TENM4: variants seen among roughly 807,000 people sequenced by gnomAD.
TENM4 encodes teneurin-4.
In TENM4, 82 loss-of-function variants were observed where a neutral mutation model predicts 243.3. The observed-to-expected ratio is 0.34, with a 90% confidence interval of 0.28 to 0.40. The LOEUF is 0.40. Ranked by LOEUF, TENM4 falls within the 10% of genes least tolerant of loss-of-function variation. The pLI, the probability that TENM4 is intolerant of heterozygous loss-of-function variation, is 1.00. For synonymous variants in TENM4, 1,412 were observed against 1,456.3 expected (o/e 0.97, Z 0.69); for missense variants, 3,138 against 3,673.3 (o/e 0.85, Z 3.77).
chr11:78,905,760 G>A (rs1321698187), intron 6 of TENM4, among the ~76,000 whole-genome samples: 2 of 152,246 alleles, frequency 1.3e-5, no homozygotes, highest in African/African-American at 4.8e-5. Context: ...TCCTTGCTGG[G>A]AAGGGAGAGA....
chr11:79,392,096 G>C (rs1858246518), intron 1 of TENM4, among the ~76,000 whole-genome samples: 1 of 152,202 alleles, frequency 6.6e-6, no homozygotes, highest in Non-Finnish European at 1.5e-5. Flanking sequence ...GAAAAATCCA[G>C]TTCTGAGGTC....
In TENM4 at chr11:78,683,371, C is replaced by G. The variant is rs11824996; in HGVS notation, c.5260+4683G>C. On this transcript the variant is annotated intron_variant, in intron 29 of 33. Transcript: ENST00000278550. ...CCTGGGCTATGGCGGGCGCCCCTCC[C>G]CCAGCCTCGTTGCCGCCTTGCAGTT... Among the ~76,000 whole-genome samples, 2 of 73,100 alleles carry G rather than the reference C, an allele frequency of 2.7e-5. 1 individual carries two copies. 48.0% of individuals were successfully genotyped at this position (73,100 alleles called of 152,430 possible). A position where few individuals can be genotyped will look rare whatever the true frequency, so the allele number is the denominator to read the frequency against.
intron 4 of TENM4, among the ~76,000 whole-genome samples, chr11:79,148,353 G>A (rs1052480365): frequency 6.6e-6 from 1 of 152,104 alleles, no homozygotes; most frequent in Non-Finnish European, 1.5e-5. Context: ...AATCCTAAGT[G>A]TGGGGAGATA....
At chr11:78,771,886 C>A (rs1416751134) in intron 17 of TENM4, among the ~76,000 whole-genome samples, 1 of 152,206 alleles carries the variant, frequency 6.6e-6, no homozygotes, top group African/African-American at 2.4e-5. Flanking sequence ...ATATGCACAT[C>A]TGCCTGCCTG....
intron 4 of TENM4, among the ~76,000 whole-genome samples, chr11:79,104,223 C>A (rs1476185841): frequency 1.3e-5 from 2 of 152,170 alleles, no homozygotes; most frequent in Non-Finnish European, 2.9e-5. Context: ...CCTTGTCTTT[C>A]CCCAGCAAGA....
intron 30 of TENM4, among the ~76,000 whole-genome samples, 165 bp downstream of exon 30, chr11:78,675,985 TAA>T (rs903646876): frequency 3.3e-5 from 5 of 152,136 alleles, no homozygotes; most frequent in Non-Finnish European, 7.3e-5. Flanking sequence ...AAGTAAAAAC[TAA>T]AAAGACACAC....
At chr11:78,944,247 C>T (rs753204819) in intron 6 of TENM4, among the ~76,000 whole-genome samples, 9 of 151,778 alleles carry the variant, frequency 5.9e-5, no homozygotes, top group Non-Finnish European at 1.2e-4. Context: ...GTTTGGGGTT[C>T]GTAGTCCTGA....
At chr11:79,437,133 C>T (rs142631800) in intron 1 of TENM4, among the ~76,000 whole-genome samples, 1 of 152,232 alleles carries the variant, frequency 6.6e-6, no homozygotes, top group Admixed American at 6.5e-5. Context: ...CCGTCAACAC[C>T]CTCACCGGAG....
chr11:79,374,675 G>T (rs970918221), intron 1 of TENM4, among the ~76,000 whole-genome samples: 1 of 151,882 alleles, frequency 6.6e-6, no homozygotes, highest in Non-Finnish European at 1.5e-5. Context: ...TTTTATATGA[G>T]GATCCTAGTT....
intron 3 of TENM4, among the ~76,000 whole-genome samples, chr11:79,190,350 C>A (rs889618872): frequency 6.6e-6 from 1 of 152,184 alleles, no homozygotes; most frequent in Non-Finnish European, 1.5e-5. Context: ...TGGTAAGAGG[C>A]TTAAGTGAGA....
chr11:79,079,228 T>A (rs971942907), intron 4 of TENM4, among the ~76,000 whole-genome samples: 2 of 152,178 alleles, frequency 1.3e-5, no homozygotes, highest in African/African-American at 4.8e-5. Flanking sequence ...GGTGCCGCTG[T>A]CTACAGAAGC....
At chr11:79,195,652 T>A (rs921940608) in intron 3 of TENM4, among the ~76,000 whole-genome samples, 1 of 152,018 alleles carries the variant, frequency 6.6e-6, no homozygotes, top group Non-Finnish European at 1.5e-5. Context: ...TTACCAAATA[T>A]CTGTACTCTC....
rs1244041424 is a variant in TENM4, at chr11:79,287,245, T to C, written c.-265+10243A>G. On this transcript the variant is annotated intron_variant, in intron 2 of 33. Coordinates refer to ENST00000278550, the MANE Select transcript of TENM4 (RefSeq NM_001098816.3). Reference sequence around the variant, plus strand: ...GGGCAGGATGACTTTCACTCTGCCCTGGTGGCCTCTTCTGAACATTCTTGG... The same window carrying C: ...GGGCAGGATGACTTTCACTCTGCCCCGGTGGCCTCTTCTGAACATTCTTGG... Among the ~76,000 whole-genome samples, 3 of 152,206 alleles carry C rather than the reference T, an allele frequency of 2.0e-5. No individual in the cohort carries two copies. In the East Asian group the frequency reaches 5.8e-4, roughly 29 times the overall value.
chr11:79,419,962 T>TG (rs373505412), intron 1 of TENM4, among the ~76,000 whole-genome samples: 4 of 152,262 alleles, frequency 2.6e-5, no homozygotes, highest in African/African-American at 9.6e-5. Context: ...TGTATGTGCA[T>TG]GTGTGTGTGA....
At chr11:79,058,357 C>T (rs898711470) in intron 6 of TENM4, among the ~76,000 whole-genome samples, 10 of 151,996 alleles carry the variant, frequency 6.6e-5, no homozygotes, top group South Asian at 6.2e-4. Context: ...TCCTGGCTAA[C>T]ACAGTGAAAC....
intron 1 of TENM4, among the ~76,000 whole-genome samples, chr11:79,433,822 C>T (rs990077616): frequency 6.6e-6 from 1 of 152,218 alleles, no homozygotes; most frequent in Admixed American, 6.5e-5. Flanking sequence ...CCTTCACCTT[C>T]CCTAGTGAAA....
At chr11:78,831,147 G>A (rs1002924758) in intron 12 of TENM4, among the ~76,000 whole-genome samples, 5 of 152,182 alleles carry the variant, frequency 3.3e-5, no homozygotes, top group African/African-American at 9.7e-5. Context: ...ACTAGTCACC[G>A]AAACCCTACT....
intron 1 of TENM4, among the ~76,000 whole-genome samples, chr11:79,431,487 C>T (rs904618308): frequency 3.3e-5 from 5 of 152,264 alleles, no homozygotes; most frequent in Non-Finnish European, 5.9e-5. Context: ...CTGGACTAAA[C>T]GGAATAAGTG....
In TENM4 at chr11:79,069,837, C is replaced by T; in HGVS notation, c.108G>A (p.Gln36=). Residue 36 remains glutamine (Q), a synonymous_variant, in exon 5 of 34, where the codon CAG becomes CAA. Transcript: ENST00000278550. ...SADSEEGKAP[Q]KSYSSSETLK... ...GGGTCTCGCTGGAGCTGTACGATTT[C>T]TGCGGGGCTTTGCCCTCCTCGCTGT... 6.4e-7 allele frequency: 1 copy of T among 1,550,920 alleles called. No homozygotes were observed. The highest frequency in any genetic ancestry group is 8.7e-7 in the Non-Finnish European group (1 of 1,146,898).
Sources: gnomAD v4.1 joint callset for allele counts (sites outside exome capture counted in the v4.1 genomes callset) on GRCh38, gnomAD v4.1.1 for gene constraint, MANE v1.5 for transcripts, NCBI Gene and HGNC (gene_info 2026-07-23, HGNC 2026-07-21) for gene names.